Variants in KCNB2 observed in about 807,000 individuals in gnomAD.
KCNB2 encodes the protein potassium voltage-gated channel subfamily B member 2.
KCNB2 carries 15 observed loss-of-function variants against 61.5 expected under a neutral mutation model. That is an observed-to-expected ratio of 0.24 (90% confidence interval 0.16 to 0.38). The LOEUF is 0.38. Among genes scored for constraint, KCNB2 ranks in the 10% least tolerant of loss-of-function variants. The pLI, the probability that KCNB2 is intolerant of heterozygous loss-of-function variation, is 1.00. For missense variants in KCNB2, 828 were observed against 1,125.2 expected, an observed-to-expected ratio of 0.74 and a Z score of 3.78; for synonymous variants, 457 against 446.0, an observed-to-expected ratio of 1.02 and a Z score of -0.31.
chr8:72,742,879 A>G (rs1807987806), intron 2 of KCNB2, among the ~76,000 whole-genome samples: 1 of 152,178 alleles, frequency 6.6e-6, no homozygotes, highest in East Asian at 1.9e-4. Flanking sequence ...GTATTTTTAA[A>G]AAATGATAGC....
intron 2 of KCNB2, among the ~76,000 whole-genome samples, chr8:72,585,345 A>G (rs1302956662): frequency 1.3e-5 from 2 of 152,110 alleles, no homozygotes; most frequent in African/African-American, 2.4e-5. Context: ...CCATGCATTT[A>G]TTTGTTTCTT....
chr8:72,811,743 C>T (rs1230130255), intron 2 of KCNB2, among the ~76,000 whole-genome samples: 4 of 151,988 alleles, frequency 2.6e-5, no homozygotes, highest in African/African-American at 7.2e-5. Flanking sequence ...CTGTCCAAAG[C>T]CAGAAAGAAA....
In KCNB2 at chr8:72,937,928, A is replaced by G; in HGVS notation, c.2573A>G (p.Asp858Gly). 1 of 1,614,118 alleles carries G rather than the reference A, an allele frequency of 6.2e-7. No homozygotes were observed. The change falls in exon 3 of 3, where the codon GAC (aspartate) becomes GGC (glycine). Residue 858 changes from aspartate to glycine, a missense_variant. Asp to Gly is a moderately conservative substitution (Grantham distance 94). Coordinates refer to ENST00000523207, the MANE Select transcript of KCNB2 (RefSeq NM_004770.3). ...AGTGTGGGCTCTTCCTCCCCGCAGGACACAGGTCACAACTGTAGGCAAGAC... is the reference window on the plus strand; with the variant it reads ...AGTGTGGGCTCTTCCTCCCCGCAGGGCACAGGTCACAACTGTAGGCAAGAC... Reference protein sequence around the residue: ...EGSVGSSSPQDTGHNCRQDIY... With the variant: ...EGSVGSSSPQGTGHNCRQDIY...
chr8:72,905,950 A>G (rs1356674103), intron 2 of KCNB2, among the ~76,000 whole-genome samples: 1 of 152,082 alleles, frequency 6.6e-6, no homozygotes, highest in Non-Finnish European at 1.5e-5. Flanking sequence ...CATAGCAGGG[A>G]CAATTTCAAG....
At chr8:72,673,941 G>A (rs539070767) in intron 2 of KCNB2, among the ~76,000 whole-genome samples, 6 of 152,260 alleles carry the variant, frequency 3.9e-5, no homozygotes, top group Admixed American at 1.3e-4. Flanking sequence ...TTTAAATGGT[G>A]ATTTTTATGT....
intron 2 of KCNB2, among the ~76,000 whole-genome samples, chr8:72,727,347 C>T (rs1000003398): frequency 1.3e-5 from 2 of 152,196 alleles, no homozygotes; most frequent in African/African-American, 4.8e-5. Flanking sequence ...ATAAGGGCCT[C>T]ATCTTCCCTT....
intron 2 of KCNB2, among the ~76,000 whole-genome samples, chr8:72,831,097 T>A (rs6984868): frequency 1.1e-4 from 16 of 152,068 alleles, no homozygotes; most frequent in African/African-American, 2.4e-5. Flanking sequence ...CAGATTGGCC[T>A]TGCGCCTCAT....
intron 2 of KCNB2, among the ~76,000 whole-genome samples, chr8:72,833,243 GC>G (rs1202506545): frequency 6.6e-6 from 1 of 152,112 alleles, no homozygotes; most frequent in African/African-American, 2.4e-5. Context: ...AAAATAGGAA[GC>G]TTCAGGAACT....
At chr8:72,788,025 AATG>A (rs1322349836) in intron 2 of KCNB2, among the ~76,000 whole-genome samples, 1 of 152,194 alleles carries the variant, frequency 6.6e-6, no homozygotes, top group African/African-American at 2.4e-5. Context: ...CTATTTGTGA[AATG>A]ATGATGGTAA....
At chr8:72,689,824 T>G (rs1357261172) in intron 2 of KCNB2, among the ~76,000 whole-genome samples, 2 of 152,182 alleles carry the variant, frequency 1.3e-5, no homozygotes, top group Non-Finnish European at 2.9e-5. Flanking sequence ...TCTCCCTTTT[T>G]GTGCTAAGAA....
chr8:72,635,381 T>A (rs886608364), intron 2 of KCNB2, among the ~76,000 whole-genome samples: 21 of 152,094 alleles, frequency 1.4e-4, no homozygotes, highest in Admixed American at 3.9e-4. Context: ...AAGATTAGGC[T>A]TGGTTATCAT....
intron 2 of KCNB2, among the ~76,000 whole-genome samples, chr8:72,632,584 G>A (rs1563544242): frequency 6.6e-6 from 1 of 152,168 alleles, no homozygotes; most frequent in African/African-American, 2.4e-5. Flanking sequence ...AAGCAGACAG[G>A]CATCATGCTG....
intron 2 of KCNB2, among the ~76,000 whole-genome samples, chr8:72,750,021 A>G (rs2128995540): frequency 6.6e-6 from 1 of 151,752 alleles, no homozygotes; most frequent in South Asian, 2.1e-4. Flanking sequence ...GTGTTTATCA[A>G]AGATTTTACC....
At position 72,699,106 on chromosome 8, in the gene KCNB2, C is replaced by A. The variant is rs1211490005; in HGVS notation, c.579+130793C>A. Among the ~76,000 whole-genome samples the A allele has an allele frequency of 4.9e-4, 74 of 152,118 alleles. 1 individual carries two copies. Among genetic ancestry groups the A allele is most frequent in the Admixed American group, 4.7e-3 (72 of 15,268 alleles). The stretch of plus-strand genomic sequence containing the variant: ...AAGAAAATATTGGCATACTATGTAA[C>A]TGACAAAGGTATGACATCTATAATC... On this transcript the variant is annotated intron_variant, in intron 2 of 2. Coordinates refer to ENST00000523207, the MANE Select transcript of KCNB2 (RefSeq NM_004770.3).
intron 2 of KCNB2, among the ~76,000 whole-genome samples, chr8:72,848,605 G>C (rs1810041058): frequency 6.6e-6 from 1 of 152,038 alleles, no homozygotes. Flanking sequence ...TTGCAGATGG[G>C]TCCAGTCCAT....
chr8:72,696,076 T>C (rs1807013326), intron 2 of KCNB2, among the ~76,000 whole-genome samples: 1 of 152,240 alleles, frequency 6.6e-6, no homozygotes, highest in Non-Finnish European at 1.5e-5. Context: ...TGGAGGCAGA[T>C]TGGTGTAACC....
intron 2 of KCNB2, among the ~76,000 whole-genome samples, chr8:72,710,086 C>A (rs2128991739): frequency 6.6e-6 from 1 of 152,270 alleles, no homozygotes; most frequent in East Asian, 1.9e-4. Context: ...TCCCCATCAT[C>A]CATCAAGACA....
At chr8:72,662,390 G>A (rs1168116115) in intron 2 of KCNB2, among the ~76,000 whole-genome samples, 5 of 152,278 alleles carry the variant, frequency 3.3e-5, no homozygotes, top group African/African-American at 1.2e-4. Context: ...TGGGGAGGGA[G>A]GACAGTTTCT....
chr8:72,701,464 T>C (rs1248373942), intron 2 of KCNB2, among the ~76,000 whole-genome samples: 1 of 152,190 alleles, frequency 6.6e-6, no homozygotes, highest in Non-Finnish European at 1.5e-5. Flanking sequence ...TTCATTGCCC[T>C]GCTTTCCACA....
Sources: allele counts gnomAD v4.1 joint callset (sites outside exome capture counted in the v4.1 genomes callset), GRCh38; gene constraint gnomAD v4.1.1; transcripts MANE v1.5; gene names NCBI Gene and HGNC (gene_info 2026-07-23, HGNC 2026-07-21).